Variants in P4HA3 observed in about 807,000 individuals in gnomAD.
The protein encoded by P4HA3 is prolyl 4-hydroxylase subunit alpha-3.
Under a neutral mutation model 66.7 loss-of-function variants are expected in P4HA3, and 60 were observed. The observed-to-expected ratio is 0.90, with a 90% confidence interval of 0.73 to 1.12. The LOEUF (loss-of-function observed/expected upper bound fraction) is 1.12. P4HA3 is among the 50% of genes most tolerant of loss of function. The pLI, the probability that P4HA3 is intolerant of heterozygous loss-of-function variation, is 0.00. For missense variants in P4HA3, 683 were observed against 685.8 expected (o/e 1.00, Z 0.05); for synonymous variants, 263 against 274.6 (o/e 0.96, Z 0.42).
chr11:74,293,959 C>T (rs540755305), intron 4 of P4HA3, among the ~76,000 whole-genome samples: 2,310 of 150,800 alleles, frequency 0.015, 66 homozygotes, highest in African/African-American at 0.053. Flanking sequence ...ATCTTTGTGG[C>T]GTTCTGTGTA....
intron 15 of P4HA3, chr11:74,253,662 C>T: frequency 2.4e-6 from 2 of 817,818 alleles, no homozygotes; most frequent in Non-Finnish European, 4.0e-6. Flanking sequence ...CCAACCTTTT[C>T]ATGTATTCTG....
chr11:74,269,216 T>C (rs780816041), intron 11 of P4HA3, among the ~76,000 whole-genome samples: 4 of 152,186 alleles, frequency 2.6e-5, no homozygotes, highest in African/African-American at 9.7e-5. Context: ...AAATCCCTAT[T>C]GCAACATCAT....
intron 15 of P4HA3, chr11:74,251,373 C>A: frequency 7.4e-7 from 1 of 1,359,336 alleles, no homozygotes; most frequent in Non-Finnish European, 9.5e-7. Context: ...ATGGGCTCCT[C>A]CTGTGAGAAA....
At chr11:74,271,087 T>C (rs576341956) in intron 10 of P4HA3, among the ~76,000 whole-genome samples, 97 of 152,336 alleles carry the variant, frequency 6.4e-4, no homozygotes, top group Non-Finnish European at 1.1e-3. Context: ...TGTAATCTTA[T>C]GGCAGTCAGA....
chr11:74,260,493 C>A (rs1203686240), intron 14 of P4HA3, among the ~76,000 whole-genome samples: 1 of 152,002 alleles, frequency 6.6e-6, no homozygotes, highest in East Asian at 1.9e-4. Flanking sequence ...CCTTAGGGGA[C>A]CATGTACAAT....
intron 5 of P4HA3, 130 bp from the exon 6 acceptor site, chr11:74,286,521 A>C: frequency 2.6e-6 from 2 of 756,732 alleles, no homozygotes; most frequent in Non-Finnish European, 2.0e-6. Flanking sequence ...ATAACTCCTC[A>C]TGTCAACACA....
chr11:74,250,777 G>A (rs536904369), intron 15 of P4HA3: 311 of 588,052 alleles, frequency 5.3e-4, no homozygotes, highest in Admixed American at 7.9e-4. Flanking sequence ...AATGATTGGC[G>A]CAAGGTTACA....
At chr11:74,275,531 T>C (rs1446798971) in intron 9 of P4HA3, among the ~76,000 whole-genome samples, 1 of 152,224 alleles carries the variant, frequency 6.6e-6, no homozygotes, top group African/African-American at 2.4e-5. Context: ...CATTGACATA[T>C]GTGTCTCTCC....
intron 14 of P4HA3, chr11:74,260,278 G>A (rs1444792428): frequency 6.6e-6 from 1 of 152,242 alleles, no homozygotes; most frequent in Admixed American, 6.5e-5. Flanking sequence ...GGATAGGGAG[G>A]GAGGGTGTCT....
At chr11:74,311,117 T>G (rs1438166359) in intron 1 of P4HA3, among the ~76,000 whole-genome samples, 1 of 152,014 alleles carries the variant, frequency 6.6e-6, no homozygotes, top group East Asian at 1.9e-4. Context: ...GGGGTGCCAC[T>G]ATGTGTGTGA....
intron 4 of P4HA3, among the ~76,000 whole-genome samples, chr11:74,291,446 C>T (rs1329821889): frequency 6.6e-6 from 1 of 152,130 alleles, no homozygotes; most frequent in Non-Finnish European, 1.5e-5. Context: ...TTTCCTTCTC[C>T]TGCCTGATTG....
chr11:74,301,822 A>T (rs185208952), intron 3 of P4HA3, among the ~76,000 whole-genome samples: 24 of 152,192 alleles, frequency 1.6e-4, no homozygotes, highest in African/African-American at 4.8e-4. Flanking sequence ...GATTTTGGAC[A>T]CTACTTTAAT....
chr11:74,250,747 A>G, intron 15 of P4HA3: 2 of 566,288 alleles, frequency 3.5e-6, no homozygotes. Flanking sequence ...TAAATAGGAC[A>G]GAAGGAAAAA....
At chr11:74,270,828 GTC>G (rs1418224891) in intron 10 of P4HA3, among the ~76,000 whole-genome samples, 1 of 152,092 alleles carries the variant, frequency 6.6e-6, no homozygotes, top group East Asian at 1.9e-4. Context: ...GGAAATTTAG[GTC>G]ATATCCAAAT....
chr11:74,287,285 C>T (rs1860831583), intron 5 of P4HA3: 3 of 1,289,400 alleles, frequency 2.3e-6, no homozygotes, highest in Non-Finnish European at 3.0e-6. Context: ...TAACCACAAC[C>T]ATCACCCTGG....
chr11:74,297,721 A>G (rs1861272080), intron 4 of P4HA3, among the ~76,000 whole-genome samples: 1 of 152,236 alleles, frequency 6.6e-6, no homozygotes, highest in Non-Finnish European at 1.5e-5. Flanking sequence ...CTCTGTAACC[A>G]GACAGGAGTC....
At position 74,279,411 on chromosome 11, in the gene P4HA3, T is replaced by C; in HGVS notation, c.1152A>G (p.Gln384=). The C allele has an allele frequency of 6.2e-7, 1 of 1,613,924 alleles. No homozygotes were observed. The highest frequency in any genetic ancestry group is 8.5e-7 in the Non-Finnish European group (1 of 1,179,854). The change falls in exon 8 of 13, where the codon CAA becomes CAG. Residue 384 remains glutamine, a synonymous_variant. Transcript: ENST00000331597. ...SVVASGEKQL[Q]VEYRISKSAW... ...ACCTTTTGCTGATGCGGTACTCCAC[T>C]TGTAACTGCTTCTCCCCTGATGCCA... is the stretch of plus-strand genomic sequence containing the variant.
chr11:74,253,451 T>C lies in P4HA3; in HGVS notation c.*1319-5450A>G, dbSNP rs372580334. ...CAGATAAGCAAGGGAAAGCTATTGATAGTTACATTTGTTTTTCCTTCTCTT... is the reference window on the plus strand; with the variant it reads ...CAGATAAGCAAGGGAAAGCTATTGACAGTTACATTTGTTTTTCCTTCTCTT... On this transcript the variant is annotated intron_variant and NMD_transcript_variant, in intron 15 of 15. Transcript: ENST00000524388. 8.2e-6 allele frequency: 13 copies of C among 1,581,946 alleles called. No homozygotes were observed. The African/African-American group carries it at 1.8e-4, about 21-fold the overall frequency.
intron 4 of P4HA3, among the ~76,000 whole-genome samples, chr11:74,294,654 C>T (rs1861152557): frequency 6.6e-6 from 1 of 152,170 alleles, no homozygotes; most frequent in African/African-American, 2.4e-5. Flanking sequence ...TGTTAGTTTT[C>T]CTTCTAACAG....
Sources: gnomAD v4.1 joint callset for allele counts (sites outside exome capture counted in the v4.1 genomes callset) on GRCh38, gnomAD v4.1.1 for gene constraint, MANE v1.5 for transcripts, NCBI Gene and HGNC (gene_info 2026-07-23, HGNC 2026-07-21) for gene names.